The following DGKG variants were observed in gnomAD, a reference collection of about 807,000 sequenced individuals.
The protein encoded by DGKG is diacylglycerol kinase gamma.
DGKG carries 78 observed loss-of-function variants against 105.3 expected under a neutral mutation model. The observed-to-expected ratio is 0.74, with a 90% confidence interval of 0.62 to 0.89. The LOEUF is 0.89. Among genes scored for constraint, DGKG ranks in the 40% least tolerant of loss-of-function variants. The pLI, the probability that DGKG is intolerant of heterozygous loss-of-function variation, is 0.00. For synonymous variants in DGKG, 346 were observed against 367.1 expected, an observed-to-expected ratio of 0.94 and a Z score of 0.66; for missense variants, 958 against 1,020.1, an observed-to-expected ratio of 0.94 and a Z score of 0.83.
chr3:186,322,568 G>A (rs1050047472), intron 1 of DGKG, among the ~76,000 whole-genome samples: 5 of 151,928 alleles, frequency 3.3e-5, no homozygotes, highest in Non-Finnish European at 7.4e-5. Context: ...AAGAACCCTT[G>A]AACCTAAAAT....
chr3:186,296,402 A>G (rs915123154), intron 5 of DGKG, among the ~76,000 whole-genome samples: 8 of 152,202 alleles, frequency 5.3e-5, no homozygotes, highest in Non-Finnish European at 1.2e-4. Flanking sequence ...ATCCAACTTG[A>G]GTTGATAGTA....
At chr3:186,257,412 A>G (rs931070148) in intron 17 of DGKG, among the ~76,000 whole-genome samples, 4 of 152,080 alleles carry the variant, frequency 2.6e-5, no homozygotes, top group African/African-American at 9.7e-5. Flanking sequence ...GCTTGCACTG[A>G]TCTGTACTTT....
In DGKG at chr3:186,148,837, C is replaced by A. The variant is rs912974715; in HGVS notation, c.*1253G>T. 1 of 984,960 alleles carries A rather than the reference C, an allele frequency of 1.0e-6. No individual in the cohort carries two copies. The highest frequency in any genetic ancestry group is 1.2e-6 in the Non-Finnish European group (1 of 829,698). 61.0% of individuals were successfully genotyped at this position (984,960 alleles called of 1,614,324 possible). A position where few individuals can be genotyped will look rare whatever the true frequency, so the allele number is the denominator to read the frequency against. On this transcript the variant is annotated 3_prime_UTR_variant, in exon 25 of 25. Coordinates refer to ENST00000265022, the MANE Select transcript of DGKG (RefSeq NM_001346.3). ...CCCTTGTGATCACCACAGGGAGATG[C>A]GTCCTGACAATGAAACGGTGGAGTG...
chr3:186,294,766 A>T (rs1263245773), intron 5 of DGKG, among the ~76,000 whole-genome samples: 4 of 151,986 alleles, frequency 2.6e-5, no homozygotes, highest in Admixed American at 2.6e-4. Flanking sequence ...TCCATAGAAG[A>T]TATAAGAGTT....
intron 23 of DGKG, among the ~76,000 whole-genome samples, chr3:186,163,861 G>A (rs924306019): frequency 6.6e-6 from 1 of 152,124 alleles, no homozygotes; most frequent in African/African-American, 2.4e-5. Context: ...GAATAGACAG[G>A]CCTCAAGAAT....
chr3:186,152,952 G>A (rs1715838165), intron 24 of DGKG, among the ~76,000 whole-genome samples: 1 of 139,136 alleles, frequency 7.2e-6, no homozygotes, highest in Non-Finnish European at 1.5e-5. Context: ...ACCAGCTGCC[G>A]CGCCCGGCCT....
At chr3:186,355,994 T>C (rs1432566651) in intron 1 of DGKG, among the ~76,000 whole-genome samples, 2 of 152,270 alleles carry the variant, frequency 1.3e-5, no homozygotes, top group African/African-American at 4.8e-5. Flanking sequence ...TTTGACAAGA[T>C]TATTGGACGG....
At chr3:186,266,302 G>T (rs998461450) in intron 13 of DGKG, among the ~76,000 whole-genome samples, 2 of 152,178 alleles carry the variant, frequency 1.3e-5, no homozygotes, top group African/African-American at 4.8e-5. Context: ...TTTACTCTAT[G>T]CATAGTTTGT....
Position 186,265,246 on chromosome 3 carries a change from C to T in DGKG, c.1269+1G>A. 1.2e-6 allele frequency: 2 copies of T among 1,614,160 alleles called. No homozygotes were observed. Among genetic ancestry groups the T allele is most frequent in the Admixed American group, 3.3e-5 (2 of 60,030 alleles). On this transcript the variant is annotated splice_donor_variant, in intron 14 of 24. Transcript: ENST00000265022. LOFTEE classifies it high-confidence loss of function. The stretch of plus-strand genomic sequence containing the variant: ...AATCGGATTTAGAGCTCATGAGGTA[C>T]CTGCATGACAAGTTCGCCCTTGGCG...
At chr3:186,302,201 T>C (rs745838236) in intron 3 of DGKG, among the ~76,000 whole-genome samples, 6 of 152,040 alleles carry the variant, frequency 3.9e-5, no homozygotes, top group Non-Finnish European at 4.4e-5. Flanking sequence ...CTCTACTCAA[T>C]CCAGAGCTCC....
At chr3:186,243,770 C>G (rs1287697232) in intron 19 of DGKG, among the ~76,000 whole-genome samples, 1 of 151,952 alleles carries the variant, frequency 6.6e-6, no homozygotes, top group African/African-American at 2.4e-5. Flanking sequence ...ATTTGTTTTG[C>G]AATGAAAAAT....
intron 22 of DGKG, among the ~76,000 whole-genome samples, chr3:186,169,695 G>A (rs1033379506): frequency 6.6e-6 from 1 of 152,150 alleles, no homozygotes; most frequent in African/African-American, 2.4e-5. Flanking sequence ...CAAAACTCAG[G>A]TCAAGTGTCA....
rs1039298250 is a variant in DGKG, at chr3:186,148,920, T to C, written c.*1170A>G. The C allele has an allele frequency of 2.2e-5, 22 of 978,916 alleles. No individual in the cohort carries two copies. Among genetic ancestry groups the C allele is most frequent in the Non-Finnish European group, 2.5e-5 (21 of 825,904 alleles). 60.6% of individuals were successfully genotyped at this position (978,916 alleles called of 1,614,324 possible). A position where few individuals can be genotyped will look rare whatever the true frequency, so the allele number is the denominator to read the frequency against. On this transcript the variant is annotated 3_prime_UTR_variant, in exon 25 of 25. Coordinates refer to ENST00000265022, the MANE Select transcript of DGKG (RefSeq NM_001346.3). ...TTCTGTCTCATACTACCTATGTTTT[T>C]TTTTTCCAATGAGGAAAAGTCCATC...
chr3:186,250,113 G>A (rs1004162808), intron 19 of DGKG, among the ~76,000 whole-genome samples: 8 of 152,108 alleles, frequency 5.3e-5, no homozygotes, highest in Non-Finnish European at 1.2e-4. Flanking sequence ...ACCACCATGC[G>A]AGTCAAGGGT....
chr3:186,307,495 C>T (rs1343872343), intron 2 of DGKG, among the ~76,000 whole-genome samples: 2 of 152,218 alleles, frequency 1.3e-5, no homozygotes, highest in Non-Finnish European at 2.9e-5. Context: ...TTCCTTTGCA[C>T]CAGTCAGAGT....
At chr3:186,230,030 C>T (rs374938625) in intron 20 of DGKG, among the ~76,000 whole-genome samples, 46 of 152,234 alleles carry the variant, frequency 3.0e-4, no homozygotes, top group East Asian at 1.4e-3. Context: ...GAGGCCGAGG[C>T]GGGCGGATCA....
chr3:186,211,831 C>T lies in DGKG; in HGVS notation c.1881G>A (p.Ala627=), dbSNP rs777457614. 23 of 1,614,016 alleles carry T rather than the reference C, an allele frequency of 1.4e-5. No homozygotes were observed. Among genetic ancestry groups the T allele is most frequent in the East Asian group, 2.2e-5 (1 of 44,892 alleles). The change falls in exon 21 of 25, where the codon GCG becomes GCA. Residue 627 remains alanine, a synonymous_variant. Coordinates refer to ENST00000265022, the MANE Select transcript of DGKG (RefSeq NM_001346.3). ...TGTGGTCGTGGAGTTTCTTGCAGGT[C>T]GCTGCAAAAGTCTCCGAGGTGCCAA... ...FEFGTSETFA[A]TCKKLHDHIE... is the part of the protein sequence containing the mutation.
In DGKG at chr3:186,320,623, C is replaced by A; in HGVS notation, c.-164G>T. On this transcript the variant is annotated 5_prime_UTR_variant, in exon 2 of 25. Transcript: ENST00000265022. Reference sequence around the variant, plus strand: ...GTATACAGCAGCAGCAGGCACCTCTCAGAAGATGAGACAAGATCTCTGCTA... The same window carrying A: ...GTATACAGCAGCAGCAGGCACCTCTAAGAAGATGAGACAAGATCTCTGCTA... The A allele has an allele frequency of 8.5e-7, 1 of 1,178,558 alleles. No homozygotes were observed. Among genetic ancestry groups the A allele is most frequent in the South Asian group, 1.9e-5 (1 of 52,998 alleles). 73.0% of individuals were successfully genotyped at this position (1,178,558 alleles called of 1,614,324 possible).
At chr3:186,320,300 G>T in intron 2 of DGKG, 93 bp downstream of exon 2, 2 of 1,458,392 alleles carry the variant, frequency 1.4e-6, no homozygotes, top group Non-Finnish European at 1.9e-6. Flanking sequence ...CATTCTTTGT[G>T]GCTTTGCAAT....
Sources: gnomAD v4.1 joint callset for allele counts (sites outside exome capture counted in the v4.1 genomes callset) on GRCh38, gnomAD v4.1.1 for gene constraint, MANE v1.5 for transcripts, NCBI Gene and HGNC (gene_info 2026-07-23, HGNC 2026-07-21) for gene names.